Variants in PDE8A observed in about 807,000 individuals in gnomAD.
PDE8A encodes the protein phosphodiesterase 8A, also known as high affinity cAMP-specific and IBMX-insensitive 3',5'-cyclic phosphodiesterase 8A.
In PDE8A, 59 loss-of-function variants were observed where a neutral mutation model predicts 105.0. That is an observed-to-expected ratio of 0.56 (90% CI 0.46 to 0.70). The LOEUF (loss-of-function observed/expected upper bound fraction) is 0.70, where lower values mean the gene tolerates loss of function less well. Ranked by LOEUF, PDE8A falls within the 30% of genes least tolerant of loss-of-function variation. PDE8A has a pLI of 0.00. For missense variants in PDE8A, 1,014 were observed against 1,045.9 expected, an observed-to-expected ratio of 0.97 and a Z score of 0.42; for synonymous variants, 355 against 371.9, an observed-to-expected ratio of 0.95 and a Z score of 0.52.
At chr15:85,130,241 C>T (rs1455799435) in intron 20 of PDE8A, among the ~76,000 whole-genome samples, 1 of 152,148 alleles carries the variant, frequency 6.6e-6, no homozygotes, top group Non-Finnish European at 1.5e-5. Flanking sequence ...GAAGGATCTG[C>T]CCCCATGACC....
chr15:85,114,572 G>A (rs1394741187), intron 14 of PDE8A, among the ~76,000 whole-genome samples: 1 of 152,150 alleles, frequency 6.6e-6, no homozygotes, highest in African/African-American at 2.4e-5. Flanking sequence ...AGCATGTCTG[G>A]TGTAGAGCTC....
intron 1 of PDE8A, chr15:85,064,131 C>A: frequency 4.5e-6 from 2 of 445,314 alleles, no homozygotes; most frequent in Non-Finnish European, 4.0e-6. Context: ...AAGGCAAAGC[C>A]AGAATCACAT....
chr15:85,029,846 G>A (rs1470062987), intron 1 of PDE8A, among the ~76,000 whole-genome samples: 1 of 152,160 alleles, frequency 6.6e-6, no homozygotes, highest in Non-Finnish European at 1.5e-5. Flanking sequence ...CTAGAGTCTG[G>A]AAGTCAAGTG....
intron 1 of PDE8A, among the ~76,000 whole-genome samples, chr15:85,024,139 TC>T (rs1057041080): frequency 7.2e-5 from 11 of 152,294 alleles, no homozygotes; most frequent in South Asian, 2.1e-4. Context: ...GATCACCTCT[TC>T]CGGGAAATCT....
At chr15:85,008,284 A>G (rs289380) in intron 1 of PDE8A, among the ~76,000 whole-genome samples, 128,475 of 151,942 alleles carry the variant, frequency 0.85, 54,536 homozygotes, top group Non-Finnish European at 0.87. Context: ...GAACTTTGCA[A>G]TGTTGTGATG....
At chr15:85,013,135 A>G (rs764695118) in intron 1 of PDE8A, among the ~76,000 whole-genome samples, 2 of 152,232 alleles carry the variant, frequency 1.3e-5, no homozygotes, top group Non-Finnish European at 2.9e-5. Context: ...TGGTGAGAAC[A>G]GGGGAAGCAG....
chr15:84,985,987 G>T (rs913892167), intron 1 of PDE8A, among the ~76,000 whole-genome samples: 1 of 152,132 alleles, frequency 6.6e-6, no homozygotes, highest in Non-Finnish European at 1.5e-5. Flanking sequence ...CACTTTGGGA[G>T]GCCAAGGCAG....
chr15:85,018,601 A>G (rs1421227052), intron 1 of PDE8A, among the ~76,000 whole-genome samples: 3 of 152,174 alleles, frequency 2.0e-5, no homozygotes, highest in African/African-American at 4.8e-5. Context: ...TGTTTCTATA[A>G]TTATGTGTAT....
intron 5 of PDE8A, among the ~76,000 whole-genome samples, chr15:85,078,548 C>CAAAAAAAAAAAAAAAAAAAAAAAAAAAA (rs72174562): frequency 1.1e-5 from 1 of 94,346 alleles, no homozygotes; most frequent in Non-Finnish European, 2.1e-5. Flanking sequence ...TACTCCATCT[C>CAAAAAAAAAAAAAAAAAAAAAAAAAAAA]AAAAAAAAAA....
At chr15:85,086,146 C>T (rs1312329618) in intron 6 of PDE8A, among the ~76,000 whole-genome samples, 2 of 152,044 alleles carry the variant, frequency 1.3e-5, no homozygotes, top group Admixed American at 1.3e-4. Context: ...AGTTAAGCTA[C>T]GTTCCAATCT....
Position 85,005,401 on chromosome 15 carries a change from C to G in PDE8A, c.186+23053C>G, listed in dbSNP as rs536424561. On this transcript the variant is annotated intron_variant, in intron 1 of 21. Coordinates refer to ENST00000394553, the MANE Select transcript of PDE8A (RefSeq NM_002605.3). Reference sequence around the variant, plus strand: ...AAAGTGTTGGGATTACAAGTATGTGCCACTGTGCCCAGCTGTTATTACAGG... The same window carrying G: ...AAAGTGTTGGGATTACAAGTATGTGGCACTGTGCCCAGCTGTTATTACAGG... Among the ~76,000 whole-genome samples, 4 of 152,190 alleles carry G rather than the reference C, an allele frequency of 2.6e-5. No individual in the cohort carries two copies. In the East Asian group the frequency reaches 7.7e-4, roughly 29 times the overall value.
At chr15:85,017,185 C>A (rs201391853) in intron 1 of PDE8A, among the ~76,000 whole-genome samples, 2 of 151,110 alleles carry the variant, frequency 1.3e-5, no homozygotes, top group Non-Finnish European at 2.9e-5. Context: ...GGCGTGAACC[C>A]GGGAAGCAGA....
intron 6 of PDE8A, among the ~76,000 whole-genome samples, chr15:85,086,867 C>T (rs1362478112): frequency 6.6e-6 from 1 of 152,048 alleles, no homozygotes; most frequent in Non-Finnish European, 1.5e-5. Context: ...TCTCCTGCCT[C>T]AGCCTCCCAA....
Position 85,095,746 on chromosome 15 carries a change from A to G in PDE8A, c.853-2202A>G, listed in dbSNP as rs1278218913. On this transcript the variant is annotated intron_variant, in intron 8 of 21. Transcript: ENST00000394553. ...GTTACCCTAGCCAAGCCATTGCCTA[A>G]ATTGTCCTGCTCCTTTAGATGGACT... is the stretch of plus-strand genomic sequence containing the variant. 2.0e-5 allele frequency among the ~76,000 whole-genome samples: 3 copies of G among 152,152 alleles called. No individual in the cohort carries two copies. The South Asian group carries it at 6.2e-4, about 32-fold the overall frequency.
intron 1 of PDE8A, among the ~76,000 whole-genome samples, chr15:84,986,094 C>T (rs1239601852): frequency 6.6e-6 from 1 of 152,062 alleles, no homozygotes; most frequent in East Asian, 1.9e-4. Context: ...GGGCATGGCA[C>T]CGCACACCTT....
chr15:85,075,281 C>G (rs2081365268), intron 3 of PDE8A, among the ~76,000 whole-genome samples: 1 of 152,212 alleles, frequency 6.6e-6, no homozygotes, highest in African/African-American at 2.4e-5. Context: ...GACCAGTCCT[C>G]TGTTCTTAAC....
At chr15:85,061,189 A>G (rs760563901) in intron 1 of PDE8A, among the ~76,000 whole-genome samples, 68 of 151,726 alleles carry the variant, frequency 4.5e-4, no homozygotes, top group Non-Finnish European at 1.8e-4. Flanking sequence ...GTGTGTGACC[A>G]GTTGCTTCTT....
At chr15:85,092,302 T>C (rs2081657671) in intron 8 of PDE8A, among the ~76,000 whole-genome samples, 2 of 151,798 alleles carry the variant, frequency 1.3e-5, no homozygotes, top group Non-Finnish European at 2.9e-5. Flanking sequence ...CCTTCAACTT[T>C]TCTGTCAAGG....
intron 11 of PDE8A, among the ~76,000 whole-genome samples, chr15:85,102,717 T>C (rs1334482900): frequency 6.6e-6 from 1 of 151,620 alleles, no homozygotes; most frequent in Non-Finnish European, 1.5e-5. Flanking sequence ...CGCATGCCTG[T>C]CATCCCAGCT....
Sources: gnomAD v4.1 joint callset for allele counts (sites outside exome capture counted in the v4.1 genomes callset) on GRCh38, gnomAD v4.1.1 for gene constraint, MANE v1.5 for transcripts, NCBI Gene and HGNC (gene_info 2026-07-23, HGNC 2026-07-21) for gene names.